Variants in DNAJC1 observed in about 807,000 individuals in gnomAD.
DNAJC1 encodes dnaJ homolog subfamily C member 1.
Under a neutral mutation model 76.6 loss-of-function variants are expected in DNAJC1, and 58 were observed. That is an observed-to-expected ratio of 0.76 (90% CI 0.61 to 0.94). The LOEUF is 0.94. Ranked by LOEUF, DNAJC1 falls within the 40% of genes least tolerant of loss-of-function variation. The pLI, the probability that DNAJC1 is intolerant of heterozygous loss-of-function variation, is 0.00. For missense variants in DNAJC1, 689 were observed against 677.3 expected, an observed-to-expected ratio of 1.02 and a Z score of -0.19; for synonymous variants, 258 against 267.9, an observed-to-expected ratio of 0.96 and a Z score of 0.36.
At chr10:21,847,896 T>C (rs754375334) in intron 8 of DNAJC1, among the ~76,000 whole-genome samples, 7 of 152,156 alleles carry the variant, frequency 4.6e-5, no homozygotes, top group Non-Finnish European at 7.4e-5. Flanking sequence ...ATCTTGGCTA[T>C]TGTGAATAGT....
intron 11 of DNAJC1, among the ~76,000 whole-genome samples, chr10:21,757,399 A>C (rs1328283741): frequency 2.0e-5 from 3 of 152,210 alleles, no homozygotes; most frequent in Non-Finnish European, 4.4e-5. Context: ...CATTGATCAC[A>C]GGAACTTTCC....
At chr10:21,836,021 T>C (rs141502781) in intron 8 of DNAJC1, among the ~76,000 whole-genome samples, 4,450 of 152,082 alleles carry the variant, frequency 0.029, 104 homozygotes, top group Middle Eastern at 0.065. Flanking sequence ...AGACACATAA[T>C]TGTCACATTC....
chr10:21,841,952 A>G (rs1457834087), intron 8 of DNAJC1, among the ~76,000 whole-genome samples: 5 of 152,186 alleles, frequency 3.3e-5, no homozygotes, highest in Middle Eastern at 3.4e-3. Flanking sequence ...TTGTAGGGAC[A>G]TGGATGAAAC....
At chr10:21,834,756 G>A (rs1835421779) in intron 8 of DNAJC1, among the ~76,000 whole-genome samples, 1 of 152,224 alleles carries the variant, frequency 6.6e-6, no homozygotes, top group Non-Finnish European at 1.5e-5. Context: ...ACTGCAAGGT[G>A]GCAGCGAGGC....
chr10:21,823,539 T>A (rs78040180), intron 8 of DNAJC1, among the ~76,000 whole-genome samples: 1 of 152,144 alleles, frequency 6.6e-6, no homozygotes, highest in East Asian at 1.9e-4. Flanking sequence ...CATATTTTCT[T>A]CCTTCAATAA....
At chr10:21,811,305 T>C (rs915892890) in intron 8 of DNAJC1, among the ~76,000 whole-genome samples, 7 of 152,222 alleles carry the variant, frequency 4.6e-5, no homozygotes, top group Admixed American at 1.3e-4. Context: ...TTAGGCTCTT[T>C]TGGGTTCTGG....
At chr10:21,879,351 C>T (rs1198787508) in intron 8 of DNAJC1, among the ~76,000 whole-genome samples, 4 of 152,114 alleles carry the variant, frequency 2.6e-5, no homozygotes, top group Non-Finnish European at 4.4e-5. Flanking sequence ...AAGCCAGGCG[C>T]GTTAGCTCAC....
chr10:21,911,204 A>G (rs1836858040), intron 6 of DNAJC1, among the ~76,000 whole-genome samples: 1 of 151,938 alleles, frequency 6.6e-6, no homozygotes. Flanking sequence ...GAGGAAGGAT[A>G]CCTAGAAACA....
At chr10:21,962,459 CTTTTTTTTTTTTT>C (rs34817098) in intron 1 of DNAJC1, among the ~76,000 whole-genome samples, 2 of 39,890 alleles carry the variant, frequency 5.0e-5, no homozygotes, top group African/African-American at 1.3e-4. Context: ...TATTTTATTG[CTTTTTTTTTTTTT>C]TTTTTTTTTT....
chr10:21,902,034 C>A (rs1246490618), intron 7 of DNAJC1, among the ~76,000 whole-genome samples: 1 of 152,098 alleles, frequency 6.6e-6, no homozygotes, highest in Non-Finnish European at 1.5e-5. Context: ...ACATTGTTAA[C>A]AGTAAATGTG....
chr10:21,944,165 T>A (rs1837466366), intron 1 of DNAJC1, among the ~76,000 whole-genome samples: 1 of 92,240 alleles, frequency 1.1e-5, no homozygotes. Context: ...TTTCATCACA[T>A]AAAGGTTTTT....
chr10:21,996,379 T>A (rs528770321), intron 1 of DNAJC1, among the ~76,000 whole-genome samples: 1 of 152,336 alleles, frequency 6.6e-6, no homozygotes, highest in South Asian at 2.1e-4. Flanking sequence ...TCAAACAACT[T>A]TTATTGGCAT....
intron 9 of DNAJC1, among the ~76,000 whole-genome samples, chr10:21,773,937 C>G (rs1056070075): frequency 4.0e-5 from 6 of 150,820 alleles, no homozygotes; most frequent in Admixed American, 2.0e-4. Flanking sequence ...GTCAGGAGAT[C>G]GAGACCATCC....
intron 7 of DNAJC1, among the ~76,000 whole-genome samples, chr10:21,888,411 T>TATACAGAGGAG (rs1262116258): frequency 1.3e-5 from 2 of 152,170 alleles, no homozygotes; most frequent in African/African-American, 4.8e-5. Context: ...GTGTAAATCA[T>TATACAGAGGAG]TCTACCGTAA....
intron 10 of DNAJC1, among the ~76,000 whole-genome samples, chr10:21,765,107 T>C (rs1056335306): frequency 3.9e-5 from 6 of 152,208 alleles, no homozygotes; most frequent in East Asian, 1.9e-4. Context: ...TCATATAACA[T>C]CCCATTGCCC....
intron 8 of DNAJC1, among the ~76,000 whole-genome samples, chr10:21,856,210 C>A (rs1399142899): frequency 6.6e-6 from 1 of 152,126 alleles, no homozygotes; most frequent in Non-Finnish European, 1.5e-5. Context: ...TCTACTCATA[C>A]CAGCTCATGA....
chr10:21,783,349 G>A (rs971323024), intron 9 of DNAJC1, among the ~76,000 whole-genome samples: 12 of 152,170 alleles, frequency 7.9e-5, no homozygotes, highest in Non-Finnish European at 1.3e-4. Flanking sequence ...TACAAGGGAT[G>A]TGAAGGACCT....
At chr10:21,832,727 G>T (rs1835381076) in intron 8 of DNAJC1, among the ~76,000 whole-genome samples, 1 of 152,076 alleles carries the variant, frequency 6.6e-6, no homozygotes, top group Non-Finnish European at 1.5e-5. Context: ...CTTCTAATGG[G>T]TCCTTCTCTT....
intron 11 of DNAJC1, among the ~76,000 whole-genome samples, 159 bp downstream of exon 11, chr10:21,759,011 G>A (rs974390164): frequency 2.6e-5 from 4 of 152,168 alleles, no homozygotes; most frequent in Non-Finnish European, 5.9e-5. Context: ...AGATTCACAC[G>A]CTCTAGGGAG....
Sources: allele counts gnomAD v4.1 joint callset (sites outside exome capture counted in the v4.1 genomes callset), GRCh38; gene constraint gnomAD v4.1.1; transcripts MANE v1.5; gene names NCBI Gene and HGNC (gene_info 2026-07-23, HGNC 2026-07-21).